Variants in KIAA1217 observed in about 807,000 individuals in gnomAD.
KIAA1217 encodes the protein KIAA1217.
Under a neutral mutation model 163.9 loss-of-function variants are expected in KIAA1217, and 88 were observed. The ratio of observed to expected loss-of-function variants is 0.54; its 90% CI spans 0.45 to 0.64. The LOEUF (loss-of-function observed/expected upper bound fraction) is 0.64, where lower values mean the gene tolerates loss of function less well. Ranked by LOEUF, KIAA1217 falls within the 30% of genes least tolerant of loss-of-function variation. The probability of loss-of-function intolerance (pLI) is 0.00; values close to 1 mark genes in which losing one functional copy is unlikely to be tolerated. For synonymous variants in KIAA1217, 903 were observed against 923.1 expected (o/e 0.98, Z 0.39); for missense variants, 2,372 against 2,475.0 (o/e 0.96, Z 0.88).
At chr10:24,211,617 T>C (rs2068137594) in intron 1 of KIAA1217, among the ~76,000 whole-genome samples, 1 of 150,246 alleles carries the variant, frequency 6.7e-6, no homozygotes. Context: ...AGAGAAGGGG[T>C]CTTGCTATGT....
intron 5 of KIAA1217, among the ~76,000 whole-genome samples, chr10:24,459,017 C>T (rs182164861): frequency 9.9e-5 from 15 of 152,222 alleles, no homozygotes; most frequent in African/African-American, 2.9e-4. Flanking sequence ...CGGCACCACC[C>T]GAGACCTACT....
chr10:23,843,801 A>C (rs1295216286), intron 1 of KIAA1217, among the ~76,000 whole-genome samples: 1 of 152,196 alleles, frequency 6.6e-6, no homozygotes, highest in Non-Finnish European at 1.5e-5. Context: ...CAGATTTCCA[A>C]AAGAAAATTC....
rs774132476 is a variant in KIAA1217 at position 24,337,590 on chromosome 10, TTTTTCTTTTCTTTTCTTTTC to T, written c.355-43234_355-43215del. 5.1e-3 allele frequency among the ~76,000 whole-genome samples: 692 copies of T among 134,470 alleles called. 14 individuals carry two copies. Among genetic ancestry groups the T allele is most frequent in the Non-Finnish European group, 8.1e-3 (515 of 63,694 alleles). The allele number at this position is 134,470 out of a possible 152,430, so 88.2% of individuals were successfully genotyped here. A position where few individuals can be genotyped will look rare whatever the true frequency, so the allele number is the denominator to read the frequency against. The stretch of plus-strand genomic sequence containing the variant: ...TGCTTTGTTTTTGTTTTGTGTGGTT[TTTTTCTTTTCTTTTCTTTTC>T]TTTTCTTTTCTTTTCTTTTCTTTTC... On this transcript the variant is annotated intron_variant, in intron 2 of 20. Coordinates refer to ENST00000376454, the MANE Select transcript of KIAA1217 (RefSeq NM_019590.5).
chr10:24,513,536 T>C, intron 10 of KIAA1217, 102 bp downstream of exon 10: 1 of 1,076,344 alleles, frequency 9.3e-7, no homozygotes, highest in East Asian at 2.5e-5. Context: ...GCCCTCTCTT[T>C]ATTGAGCACC....
chr10:24,499,779 C>T (rs368057282), intron 8 of KIAA1217, among the ~76,000 whole-genome samples: 1 of 152,114 alleles, frequency 6.6e-6, no homozygotes, highest in South Asian at 2.1e-4. Context: ...GCTATCGGGT[C>T]TCCTGGAGCT....
chr10:24,209,095 C>G, upstream of KIAA1217: 1 of 993,310 alleles, frequency 1.0e-6, no homozygotes, highest in Non-Finnish European at 1.6e-6. Context: ...GTCCCCTCCT[C>G]CCCAGCCCCG....
rs55962539 is a variant in KIAA1217 at position 23,995,604 on chromosome 10, A to G, written c.-320-11621A>G. On this transcript the variant is annotated intron_variant, in intron 1 of 18. Transcript: ENST00000376462. The stretch of plus-strand genomic sequence containing the variant: ...TCCTAAGTAATATTTTCTCAGTGCA[A>G]TTTTGCAAATGTAAGATACCCGGGA... 5.8e-3 allele frequency among the ~76,000 whole-genome samples: 880 copies of G among 152,062 alleles called. 8 individuals are homozygous for G. Among genetic ancestry groups the G allele is most frequent in the African/African-American group, 0.02 (834 of 41,456 alleles).
intron 1 of KIAA1217, among the ~76,000 whole-genome samples, chr10:24,214,902 G>C (rs983203107): frequency 6.6e-6 from 1 of 152,158 alleles, no homozygotes; most frequent in African/African-American, 2.4e-5. Flanking sequence ...AGTGGTGCAA[G>C]GCCCCAAATC....
Position 24,397,106 on chromosome 10 carries a change from C to CTGTTT in KIAA1217, c.553+16040_553+16041insGTTTT, listed in dbSNP as rs1200787890. 6.2e-3 allele frequency among the ~76,000 whole-genome samples: 862 copies of CTGTTT among 138,060 alleles called. 14 individuals are homozygous for CTGTTT. The highest frequency in any genetic ancestry group is 0.022 in the African/African-American group (805 of 36,440). 90.6% of individuals were successfully genotyped at this position (138,060 alleles called of 152,430 possible). On this transcript the variant is annotated intron_variant, in intron 3 of 20. Coordinates refer to ENST00000376454, the MANE Select transcript of KIAA1217 (RefSeq NM_019590.5). ...ATGGAGAAGGCATAGATGTAAGAAA[C>CTGTTT]TCTTTTTTTTTTTTTTTTTTTTTGA...
intron 2 of KIAA1217, among the ~76,000 whole-genome samples, chr10:24,283,205 T>C (rs1002681178): frequency 6.6e-6 from 1 of 152,164 alleles, no homozygotes; most frequent in African/African-American, 2.4e-5. Context: ...AAACCATGCA[T>C]AGACACATAT....
intron 9 of KIAA1217, among the ~76,000 whole-genome samples, chr10:24,502,588 TTC>T (rs2067808944): frequency 1.3e-5 from 2 of 152,222 alleles, no homozygotes; most frequent in Non-Finnish European, 2.9e-5. Context: ...TCTGTGCACC[TTC>T]TCCCACCTCC....
At chr10:24,294,187 CAAAAAAAAAA>C (rs371110913) in intron 2 of KIAA1217, among the ~76,000 whole-genome samples, 16 of 55,104 alleles carry the variant, frequency 2.9e-4, no homozygotes, top group South Asian at 2.9e-3. Context: ...GACTCCGTCT[CAAAAAAAAAA>C]AAAAAAAAAA....
At chr10:24,457,271 T>C (rs1362835996) in intron 5 of KIAA1217, among the ~76,000 whole-genome samples, 1 of 152,168 alleles carries the variant, frequency 6.6e-6, no homozygotes, top group Non-Finnish European at 1.5e-5. Context: ...TGGTTCAGCC[T>C]GCAGCTTGAT....
chr10:24,254,463 G>A (rs971961206), intron 2 of KIAA1217, among the ~76,000 whole-genome samples: 2 of 152,198 alleles, frequency 1.3e-5, no homozygotes, highest in African/African-American at 4.8e-5. Context: ...GTTGAAAACA[G>A]TTAGGTGGGT....
At chr10:24,519,992 C>G (rs762501989) in intron 10 of KIAA1217, 131 bp from the exon 11 acceptor site, 7 of 1,034,018 alleles carry the variant, frequency 6.8e-6, no homozygotes, top group Non-Finnish European at 9.9e-6. Flanking sequence ...TCCACCACCA[C>G]CACACGAAAG....
chr10:24,043,222 G>A (rs1325789879), intron 2 of KIAA1217, among the ~76,000 whole-genome samples: 1 of 152,068 alleles, frequency 6.6e-6, no homozygotes, highest in Non-Finnish European at 1.5e-5. Context: ...ACAATAAGCA[G>A]CATTTATAAT....
intron 2 of KIAA1217, among the ~76,000 whole-genome samples, chr10:24,243,878 A>C (rs1294305845): frequency 2.6e-5 from 4 of 152,104 alleles, no homozygotes; most frequent in Non-Finnish European, 5.9e-5. Flanking sequence ...TATTACACTT[A>C]ATTGTCGTAG....
At chr10:24,248,170 C>T (rs1199044832) in intron 2 of KIAA1217, among the ~76,000 whole-genome samples, 1 of 152,144 alleles carries the variant, frequency 6.6e-6, no homozygotes, top group Non-Finnish European at 1.5e-5. Context: ...TTAGTAGTCT[C>T]ATTTCCAGTG....
chr10:24,406,009 T>A (rs1455481836), intron 3 of KIAA1217, among the ~76,000 whole-genome samples: 4 of 152,238 alleles, frequency 2.6e-5, no homozygotes, highest in Admixed American at 2.0e-4. Flanking sequence ...CTATCTTCCC[T>A]TTTTATTTGA....
Sources: gnomAD v4.1 joint callset for allele counts (sites outside exome capture counted in the v4.1 genomes callset) on GRCh38, gnomAD v4.1.1 for gene constraint, MANE v1.5 for transcripts, NCBI Gene and HGNC (gene_info 2026-07-23, HGNC 2026-07-21) for gene names.